The following KIF1A variants were observed in gnomAD, a reference collection of about 807,000 sequenced individuals.
The protein encoded by KIF1A is kinesin-like protein KIF1A.
Under a neutral mutation model 227.3 loss-of-function variants are expected in KIF1A, and 46 were observed. The observed-to-expected ratio is 0.20, with a 90% confidence interval of 0.16 to 0.26. The LOEUF (loss-of-function observed/expected upper bound fraction) is 0.26, where lower values mean the gene tolerates loss of function less well. Among genes scored for constraint, KIF1A ranks in the 10% least tolerant of loss-of-function variants. KIF1A has a pLI of 1.00. For synonymous variants in KIF1A, 1,022 were observed against 1,012.8 expected (o/e 1.01, Z -0.17); for missense variants, 1,683 against 2,485.9 (o/e 0.68, Z 6.87).
Position 240,721,047 on chromosome 2 carries a change from G to T in KIF1A, c.4744-9C>A. The T allele has an allele frequency of 6.2e-7, 1 of 1,611,770 alleles. No individual in the cohort carries two copies. Among genetic ancestry groups the T allele is most frequent in the African/African-American group, 1.3e-5 (1 of 75,044 alleles). On this transcript the variant is annotated splice_polypyrimidine_tract_variant and intron_variant, in intron 44 of 48. Transcript: ENST00000498729. Reference sequence around the variant, plus strand: ...ACAGACATCTCGGAGAGCTGCGGAGGAGAGGCCTTTTTCAGGGGACACAGG... The same window carrying T: ...ACAGACATCTCGGAGAGCTGCGGAGTAGAGGCCTTTTTCAGGGGACACAGG...
chr2:240,769,615 C>A lies in KIF1A; in HGVS notation c.1421+12G>T. On this transcript the variant is annotated intron_variant, in intron 16 of 48. Transcript: ENST00000498729. ...ACCCCTCCCCCTGGGCCTCAGTTTC[C>A]CCGCTGCACACCTCTCCATCCGGAT... The A allele has an allele frequency of 6.2e-7, 1 of 1,610,372 alleles. No homozygotes were observed. The highest frequency in any genetic ancestry group is 2.2e-5 in the East Asian group (1 of 44,836).
intron 1 of KIF1A, among the ~76,000 whole-genome samples, chr2:240,815,940 G>C (rs1456513488): frequency 2.0e-5 from 3 of 152,138 alleles, no homozygotes; most frequent in Non-Finnish European, 4.4e-5. Context: ...GAGGTGCACA[G>C]TGCAGGCTAT....
chr2:240,717,790 C>T (rs951563846), intron 48 of KIF1A, among the ~76,000 whole-genome samples: 6 of 152,238 alleles, frequency 3.9e-5, no homozygotes, highest in African/African-American at 1.4e-4. Flanking sequence ...CATCCCCAGC[C>T]CACATAAGTG....
At chr2:240,722,736 GACCCTCTGGGCAGACCCCGGAGAGCCC>G (rs1286600786) in intron 42 of KIF1A, 80 bp from the exon 43 acceptor site, 1 of 1,195,088 alleles carries the variant, frequency 8.4e-7, no homozygotes, top group East Asian at 2.6e-5. Context: ...GCAGCAGCAT[GACCCTCTGGGCAGACCCCGGAGAGCCC>G]ACCCTCCCCT....
In KIF1A at chr2:240,788,041, C is replaced by CCCCGGG; in HGVS notation, c.363+9_363+10insCCCGGG. The CCCCGGG allele has an allele frequency of 1.3e-6, 2 of 1,520,670 alleles. No homozygotes were observed. Among genetic ancestry groups the CCCCGGG allele is most frequent in the East Asian group, 2.4e-5 (1 of 40,870 alleles). The allele number at this position is 1,520,670 out of a possible 1,614,324, so 94.2% of individuals were successfully genotyped here. ...GCCAGGGCTGCCCCCGCCCGCCCCC[C>CCCCGGG]GCTTCGTGCCTGTGGGATGATGCCC... On this transcript the variant is annotated intron_variant, in intron 4 of 48. Transcript: ENST00000498729. This position sits in a 1 kb window ranked among gnomAD's most constrained non-coding sequence, Gnocchi z 6.6.
At chr2:240,779,901 A>G (rs1409201509) in intron 10 of KIF1A, among the ~76,000 whole-genome samples, 6 of 151,620 alleles carry the variant, frequency 4.0e-5, no homozygotes, top group Admixed American at 6.6e-5. Context: ...GTTTCCCCCC[A>G]GGCCTCCCCA....
At position 240,723,420 on chromosome 2, in the gene KIF1A, A is replaced by G; in HGVS notation, c.4457T>C (p.Leu1486Pro). 6.5e-7 allele frequency: 1 copy of G among 1,547,740 alleles called. No individual in the cohort carries two copies. Among genetic ancestry groups the G allele is most frequent in the Non-Finnish European group, 8.7e-7 (1 of 1,144,900 alleles). Residue 1486 changes from leucine (L) to proline (P), a missense_variant, in exon 42 of 49, where the codon CTG becomes CCG. Leu to Pro is a moderately conservative substitution (Grantham distance 98). Around this residue, in one of 12 missense-constraint regions of KIF1A, gnomAD observed 759 missense variants for 1,020.2 expected, o/e 0.74. Transcript: ENST00000498729. ...HQWELEKLSL[L>P]QEVEKTRHYL... is the part of the protein sequence containing the mutation. Reference sequence around the variant, plus strand: ...CCTCTGAGGCTGCCTCACCTCCTGCAGGAGGCTCAGCTTCTCCAGCTCCCA... The same window carrying G: ...CCTCTGAGGCTGCCTCACCTCCTGCGGGAGGCTCAGCTTCTCCAGCTCCCA...
In KIF1A at chr2:240,764,239, C is replaced by T. The variant is rs189590621; in HGVS notation, c.1769-893G>A. Among the ~76,000 whole-genome samples the T allele has an allele frequency of 2.3e-4, 35 of 152,318 alleles. No homozygotes were observed. The East Asian group carries it at 6.6e-3, about 29-fold the overall frequency. On this transcript the variant is annotated intron_variant, in intron 20 of 48. Coordinates refer to ENST00000498729, the MANE Select transcript of KIF1A (RefSeq NM_001244008.2). ...TGGCCACTTCCTCTGTCCTCCCTGT[C>T]CACAGGCCGTATGCAGCCCACCTCG...
intron 1 of KIF1A, among the ~76,000 whole-genome samples, chr2:240,805,072 CAGGGAGAGGGGAGGGAGA>C (rs2057284974): frequency 1.6e-4 from 3 of 18,712 alleles, no homozygotes. Context: ...AGGGAGAGGG[CAGGGAGAGGGGAGGGAGA>C]GGGGAGGGAG....
chr2:240,720,335 TG>T (rs1202513697), intron 45 of KIF1A: 1 of 163,890 alleles, frequency 6.1e-6, no homozygotes, highest in Admixed American at 6.2e-5. Flanking sequence ...GCCTCCCGCA[TG>T]GGCCCCCCAC....
chr2:240,812,925 G>A (rs2058022643), intron 1 of KIF1A, among the ~76,000 whole-genome samples: 53 of 144,504 alleles, frequency 3.7e-4, no homozygotes, highest in South Asian at 8.9e-4. Context: ...TCGGGGATCA[G>A]CCTTCACCTC....
chr2:240,734,675 G>T lies in KIF1A; in HGVS notation c.4007+2388C>A, dbSNP rs1197936705. The T allele has an allele frequency of 4.6e-6, 6 of 1,295,866 alleles. No individual in the cohort carries two copies. The African/African-American group carries it at 6.1e-5, about 13-fold the overall frequency. The allele number at this position is 1,295,866 out of a possible 1,614,324, so 80.3% of individuals were successfully genotyped here. On this transcript the variant is annotated intron_variant, in intron 38 of 48. Coordinates refer to ENST00000498729, the MANE Select transcript of KIF1A (RefSeq NM_001244008.2). ...GGGGAGGAGCAGGGAGGAAAGAAGA[G>T]GCTGAAATGAAACCAAGGGTAAACC... is the stretch of plus-strand genomic sequence containing the variant.
rs1166259252 is a variant in KIF1A at position 240,760,798 on chromosome 2, G to A, written c.2311C>T (p.Leu771=). 1.2e-5 allele frequency: 19 copies of A among 1,603,826 alleles called. No homozygotes were observed. The highest frequency in any genetic ancestry group is 1.4e-5 in the Non-Finnish European group (17 of 1,176,354). Residue 771 remains leucine, a synonymous_variant, in exon 25 of 49, where the codon CTG becomes TTG. Transcript: ENST00000498729. ...VLLTDTLYSP[L]PPDLLPPEAA... ...TCTGGGGGCAGCAGGTCGGGTGGCA[G>A]AGGGGAGTAGAGTGTGTCCGTCAGG... is the stretch of plus-strand genomic sequence containing the variant.
chr2:240,800,658 T>C (rs1018680306), intron 1 of KIF1A, among the ~76,000 whole-genome samples: 2 of 152,206 alleles, frequency 1.3e-5, no homozygotes, highest in Non-Finnish European at 2.9e-5. Flanking sequence ...ACAACTAAGA[T>C]GAACAAATGC....
rs538934606 is a variant in KIF1A, at chr2:240,741,464, C to T, written c.3641-87G>A. 1.9e-5 allele frequency: 20 copies of T among 1,037,726 alleles called. No individual in the cohort carries two copies. In the African/African-American group the frequency reaches 3.1e-4, roughly 16 times the overall value. The allele number at this position is 1,037,726 out of a possible 1,614,324, so 64.3% of individuals were successfully genotyped here. A position where few individuals can be genotyped will look rare whatever the true frequency, so the allele number is the denominator to read the frequency against. Reference sequence around the variant, plus strand: ...ACACTCAAGGAGGAGATGCCGGGGCCAAAGGGACTCAGAGGCAGCAAGGGC... The same window carrying T: ...ACACTCAAGGAGGAGATGCCGGGGCTAAAGGGACTCAGAGGCAGCAAGGGC... On this transcript the variant is annotated intron_variant, in intron 34 of 48. Coordinates refer to ENST00000498729, the MANE Select transcript of KIF1A (RefSeq NM_001244008.2).
intron 1 of KIF1A, among the ~76,000 whole-genome samples, chr2:240,801,316 A>G (rs1053694650): frequency 6.6e-6 from 1 of 152,214 alleles, no homozygotes; most frequent in African/African-American, 2.4e-5. Context: ...ACTATAAAAA[A>G]AAAAATCAAA....
rs1187764562 is a variant in KIF1A at position 240,807,128 on chromosome 2, G to GTATATATATA, written c.-60-9317_-60-9316insTATATATATA. On this transcript the variant is annotated intron_variant, in intron 1 of 48. Coordinates refer to ENST00000498729, the MANE Select transcript of KIF1A (RefSeq NM_001244008.2). The stretch of plus-strand genomic sequence containing the variant: ...TGTGTGTGTGTGTGTGTGTGTGTGT[G>GTATATATATA]TGTATATATATATATATATATATAC... Among the ~76,000 whole-genome samples, 6 of 90,978 alleles carry GTATATATATA rather than the reference G, an allele frequency of 6.6e-5. 2 individuals are homozygous for GTATATATATA. Among genetic ancestry groups the GTATATATATA allele is most frequent in the African/African-American group, 2.6e-4 (6 of 23,254 alleles). 59.7% of individuals were successfully genotyped at this position (90,978 alleles called of 152,430 possible).
At chr2:240,785,662 C>G (rs1009986892) in intron 6 of KIF1A, among the ~76,000 whole-genome samples, 16 of 152,178 alleles carry the variant, frequency 1.1e-4, no homozygotes, top group Middle Eastern at 3.2e-3. Context: ...ATGTGGCAGC[C>G]CAGGGCCCAC....
chr2:240,797,926 G>A, intron 1 of KIF1A, 114 bp from the exon 2 acceptor site: 1 of 579,536 alleles, frequency 1.7e-6, no homozygotes, highest in South Asian at 2.2e-5. Context: ...CTCCCAGTGT[G>A]ATACATGCAT....
Sources: gnomAD v4.1 joint callset for allele counts (sites outside exome capture counted in the v4.1 genomes callset) on GRCh38, gnomAD v4.1.1 for gene constraint, gnomAD v4.1.1 regional missense constraint, Gnocchi (gnomAD v3.1) non-coding constraint, MANE v1.5 for transcripts, NCBI Gene and HGNC (gene_info 2026-07-23, HGNC 2026-07-21) for gene names.